The following ZNF484 variants were observed in gnomAD, a reference collection of about 807,000 sequenced individuals.
ZNF484 encodes the protein KRAB box containing C2H2 type zinc finger bA526D8.4.
ZNF484 carries 11 observed loss-of-function variants against 12.9 expected under a neutral mutation model. The ratio of observed to expected loss-of-function variants is 0.85; its 90% CI spans 0.54 to 1.41. ZNF484 has a LOEUF of 1.41. Ranked by LOEUF, ZNF484 falls within the 40% of genes most tolerant of loss-of-function variation. ZNF484 has a pLI of 0.00. For missense variants in ZNF484, 807 were observed against 1,007.7 expected, an observed-to-expected ratio of 0.80 and a Z score of 2.70; for synonymous variants, 289 against 334.1, an observed-to-expected ratio of 0.86 and a Z score of 1.47.
chr9:92,873,823 T>C (rs547112866), intron 2 of ZNF484, among the ~76,000 whole-genome samples: 1 of 143,306 alleles, frequency 7.0e-6, no homozygotes, highest in Non-Finnish European at 1.5e-5. Flanking sequence ...AAACCAGAAA[T>C]AGTACCAAAA....
At chr9:92,870,679 A>C (rs1857377861) in intron 2 of ZNF484, among the ~76,000 whole-genome samples, 1 of 152,268 alleles carries the variant, frequency 6.6e-6, no homozygotes, top group Non-Finnish European at 1.5e-5. Flanking sequence ...AGAGGATGTC[A>C]AATGAAAACC....
intron 1 of ZNF484, among the ~76,000 whole-genome samples, chr9:92,875,718 C>T (rs1351853318): frequency 6.6e-6 from 1 of 152,190 alleles, no homozygotes; most frequent in African/African-American, 2.4e-5. Context: ...GGGGCCTTAG[C>T]ACACATACAC....
chr9:92,857,682 T>C (rs563509572), intron 2 of ZNF484, among the ~76,000 whole-genome samples: 28 of 152,294 alleles, frequency 1.8e-4, no homozygotes, highest in African/African-American at 6.5e-4. Flanking sequence ...ACATCAACAG[T>C]GCCTGACTGG....
rs141977573 is a variant in ZNF484, at chr9:92,847,354, G to A, written c.1433C>T (p.Thr478Ile). Residue 478 changes from threonine (T) to isoleucine (I), a missense_variant, in exon 5 of 5, where the codon ACT (threonine) becomes ATT (isoleucine). Coordinates refer to ENST00000375495, the MANE Select transcript of ZNF484 (RefSeq NM_031486.4). Reference sequence around the variant, plus strand: ...GTGTATAATGAGATTTGTCTTGTGAGTGAAGACCTTCCCACATTCTGAACA... The same window carrying A: ...GTGTATAATGAGATTTGTCTTGTGAATGAAGACCTTCCCACATTCTGAACA... The part of the protein sequence containing the change: ...FICSECGKVF[T>I]HKTNLIIHQK... The A allele has an allele frequency of 1.9e-6, 3 of 1,613,682 alleles. No homozygotes were observed. The African/African-American group carries it at 4.0e-5, about 22-fold the overall frequency.
intron 2 of ZNF484, among the ~76,000 whole-genome samples, chr9:92,872,311 T>C (rs1234568149): frequency 1.2e-5 from 1 of 81,216 alleles, no homozygotes; most frequent in Non-Finnish European, 2.2e-5. Context: ...TACAAAAGAG[T>C]GGTCAGAGAG....
In ZNF484 at chr9:92,848,088, A is replaced by C; in HGVS notation, c.699T>G (p.His233Gln). The C allele has an allele frequency of 6.2e-7, 1 of 1,614,216 alleles. No homozygotes were observed. The highest frequency in any genetic ancestry group is 8.5e-7 in the Non-Finnish European group (1 of 1,180,032). ...CECNQCGKPL[H>Q]HKQALIQQQK... ...GTTGTTGAATGAGAGCTTGCTTATG[A>C]TGCAGAGGTTTCCCACATTGGTTAC... Residue 233 changes from histidine (H) to glutamine (Q), a missense_variant, in exon 5 of 5, where the codon CAT (histidine) becomes CAG (glutamine). Transcript: ENST00000375495. The surrounding 1 kb of genome is among the most constrained non-coding windows in gnomAD (Gnocchi z 4.1).
chr9:92,854,544 C>T (rs1359607198), intron 4 of ZNF484, among the ~76,000 whole-genome samples: 1 of 152,018 alleles, frequency 6.6e-6, no homozygotes, highest in Non-Finnish European at 1.5e-5. Context: ...GGTGAAACCC[C>T]GTCTCTACTA....
chr9:92,870,653 C>T (rs993938278), intron 2 of ZNF484, among the ~76,000 whole-genome samples: 5 of 152,336 alleles, frequency 3.3e-5, no homozygotes, highest in South Asian at 4.1e-4. Context: ...CTTCCCATCA[C>T]GACAGGTGTG....
chr9:92,868,772 C>A (rs1857258396), intron 2 of ZNF484, among the ~76,000 whole-genome samples: 2 of 152,206 alleles, frequency 1.3e-5, no homozygotes, highest in Non-Finnish European at 2.9e-5. Flanking sequence ...ACCACCTCCC[C>A]AGAGAGGGCA....
chr9:92,846,441 T>G lies in ZNF484; in HGVS notation c.2346A>C (p.Gly782=), dbSNP rs1486247884. 7.4e-6 allele frequency: 12 copies of G among 1,614,038 alleles called. No homozygotes were observed. The highest frequency in any genetic ancestry group is 1.0e-5 in the Non-Finnish European group (12 of 1,180,016). Residue 782 remains glycine (G), a synonymous_variant, in exon 5 of 5, where the codon GGA becomes GGC. Transcript: ENST00000375495. ...GATTTGATCTGATGGTGAAGGCCTTTCCACACTCAGCACATATATATGGTT... is the reference window on the plus strand; with the variant it reads ...GATTTGATCTGATGGTGAAGGCCTTGCCACACTCAGCACATATATATGGTT... The part of the protein sequence containing the change: ...GEKPYICAEC[G]KAFTIRSNLI...
At chr9:92,877,634 C>A (rs1857908483) in intron 1 of ZNF484, among the ~76,000 whole-genome samples, 2 of 152,094 alleles carry the variant, frequency 1.3e-5, no homozygotes, top group African/African-American at 4.8e-5. Flanking sequence ...TCCCCCACAA[C>A]CCCACAGTCC....
intron 2 of ZNF484, among the ~76,000 whole-genome samples, 197 bp downstream of exon 2, chr9:92,874,818 G>A (rs1183007211): frequency 6.6e-6 from 1 of 152,150 alleles, no homozygotes; most frequent in Non-Finnish European, 1.5e-5. Context: ...CAATTTAACA[G>A]TTCAAAGTTC....
At chr9:92,868,225 A>G (rs1371800200) in intron 2 of ZNF484, among the ~76,000 whole-genome samples, 3 of 152,238 alleles carry the variant, frequency 2.0e-5, no homozygotes. Context: ...ACATGAGGAC[A>G]ATTCCTAGTA....
Position 92,846,088 on chromosome 9 carries a change from C to T in ZNF484, c.*140G>A. ...TGCCAATCATCTCCTTGCACATTTA[C>T]TATTATTTGCAGGAGCTTGACAACA... On this transcript the variant is annotated 3_prime_UTR_variant, in exon 5 of 5. Coordinates refer to ENST00000375495, the MANE Select transcript of ZNF484 (RefSeq NM_031486.4). 1 of 801,446 alleles carries T rather than the reference C, an allele frequency of 1.2e-6. No homozygotes were observed. The highest frequency in any genetic ancestry group is 2.0e-5 in the South Asian group (1 of 50,006). The allele number at this position is 801,446 out of a possible 1,614,324, so 49.6% of individuals were successfully genotyped here.
chr9:92,869,138 T>C (rs1857281123), intron 2 of ZNF484, among the ~76,000 whole-genome samples: 1 of 152,108 alleles, frequency 6.6e-6, no homozygotes, highest in South Asian at 2.1e-4. Context: ...GTGCCTGGTA[T>C]ATAGTAAGCA....
chr9:92,849,504 G>A (rs1189972905), intron 4 of ZNF484, among the ~76,000 whole-genome samples: 1 of 151,718 alleles, frequency 6.6e-6, no homozygotes, highest in Non-Finnish European at 1.5e-5. Context: ...ACTTTATCAC[G>A]GCCCGGTGTG....
At chr9:92,875,932 A>G (rs891348150) in intron 1 of ZNF484, among the ~76,000 whole-genome samples, 4 of 152,234 alleles carry the variant, frequency 2.6e-5, no homozygotes, top group Non-Finnish European at 4.4e-5. Context: ...TGCAGTACTG[A>G]AAGCTAAATG....
At chr9:92,876,285 C>T (rs919967744) in intron 1 of ZNF484, among the ~76,000 whole-genome samples, 3 of 151,874 alleles carry the variant, frequency 2.0e-5, no homozygotes, top group African/African-American at 7.3e-5. Flanking sequence ...GAAATTTCAT[C>T]AATCCAATGA....
intron 4 of ZNF484, among the ~76,000 whole-genome samples, chr9:92,854,455 C>T (rs565449322): frequency 7.0e-4 from 107 of 152,254 alleles, no homozygotes; most frequent in Non-Finnish European, 1.3e-3. Flanking sequence ...TGGTGGCTCC[C>T]GCCTATAATC....
Sources: gnomAD v4.1 joint callset for allele counts (sites outside exome capture counted in the v4.1 genomes callset) on GRCh38, gnomAD v4.1.1 for gene constraint, Gnocchi (gnomAD v3.1) non-coding constraint, MANE v1.5 for transcripts, NCBI Gene and HGNC (gene_info 2026-07-23, HGNC 2026-07-21) for gene names.